CA12: variants seen among roughly 807,000 people sequenced by gnomAD.
CA12 encodes carbonate dehydratase XII.
In CA12, 36 loss-of-function variants were observed where a neutral mutation model predicts 46.8. The observed-to-expected ratio is 0.77, with a 90% confidence interval of 0.59 to 1.02. CA12 has a LOEUF of 1.02. Among genes scored for constraint, CA12 ranks in the 50% least tolerant of loss-of-function variants. The probability of loss-of-function intolerance (pLI) is 0.00; values close to 1 mark genes in which losing one functional copy is unlikely to be tolerated. For missense variants in CA12, 436 were observed against 451.4 expected (o/e 0.97, Z 0.31); for synonymous variants, 202 against 187.0 (o/e 1.08, Z -0.65).
At chr15:63,376,272 C>T (rs1209751364) in intron 1 of CA12, among the ~76,000 whole-genome samples, 1 of 152,184 alleles carries the variant, frequency 6.6e-6, no homozygotes, top group Non-Finnish European at 1.5e-5. Context: ...AACTTTATTA[C>T]CTGAATAGGC....
intron 2 of CA12, among the ~76,000 whole-genome samples, chr15:63,356,527 CT>C (rs1567049716): frequency 1.1e-3 from 162 of 144,408 alleles, no homozygotes; most frequent in Admixed American, 1.0e-3. Context: ...ACCAGCAATT[CT>C]TTTTTTTTTT....
At position 63,322,376 on chromosome 15, in the gene CA12, ATTAAAT is replaced by A. The variant is rs552652921; in HGVS notation, c.*3903_*3908del. The A allele has an allele frequency of 7.5e-4, 114 of 152,148 alleles. No homozygotes were observed. The highest frequency in any genetic ancestry group is 2.4e-3 in the African/African-American group (101 of 41,426). 9.4% of individuals were successfully genotyped at this position (152,148 alleles called of 1,614,324 possible). ...TTTTAGATCTGTTGGATTATCTAAA[ATTAAAT>A]TTAAATTAATGTCACTGGTTTTTTT... is the stretch of plus-strand genomic sequence containing the variant. On this transcript the variant is annotated 3_prime_UTR_variant, in exon 11 of 11. Transcript: ENST00000178638. The surrounding 1 kb of genome is among the most constrained non-coding windows in gnomAD (Gnocchi z 4.1).
chr15:63,321,536 G>C lies in CA12; in HGVS notation c.*4749C>G, dbSNP rs900942957. The C allele has an allele frequency of 6.6e-6, 1 of 152,218 alleles. No homozygotes were observed. Among genetic ancestry groups the C allele is most frequent in the Non-Finnish European group, 1.5e-5 (1 of 68,052 alleles). The allele number at this position is 152,218 out of a possible 1,614,324, so 9.4% of individuals were successfully genotyped here. On this transcript the variant is annotated 3_prime_UTR_variant, in exon 11 of 11. Transcript: ENST00000178638. The surrounding 1 kb of genome is among the most constrained non-coding windows in gnomAD (Gnocchi z 4.5). The stretch of plus-strand genomic sequence containing the variant: ...ACATACCTTTCCCCTCACATCCTGC[G>C]ACAGCTGAATCCGAGCCCGAGGACC...
rs1296094489 is a variant in CA12 at position 63,325,299 on chromosome 15, G to A, written c.*986C>T. The stretch of plus-strand genomic sequence containing the variant: ...TAAGTTCTACAGTCATTTTGTTTCT[G>A]CCTATTTCCTCCAGATTCAAAGGCA... On this transcript the variant is annotated 3_prime_UTR_variant, in exon 11 of 11. Transcript: ENST00000178638. This position sits in a 1 kb window ranked among gnomAD's most constrained non-coding sequence, Gnocchi z 4.9. The A allele has an allele frequency of 6.6e-6, 1 of 152,140 alleles. No homozygotes were observed. Among genetic ancestry groups the A allele is most frequent in the Non-Finnish European group, 1.5e-5 (1 of 68,032 alleles). 9.4% of individuals were successfully genotyped at this position (152,140 alleles called of 1,614,324 possible).
At chr15:63,344,163 A>G (rs1444584330) in intron 4 of CA12, among the ~76,000 whole-genome samples, 1 of 152,246 alleles carries the variant, frequency 6.6e-6, no homozygotes, top group African/African-American at 2.4e-5. Flanking sequence ...AGCTAGATGA[A>G]TGCACAAGTG....
intron 2 of CA12, among the ~76,000 whole-genome samples, chr15:63,351,107 G>A (rs2039224352): frequency 6.6e-6 from 1 of 151,948 alleles, no homozygotes; most frequent in South Asian, 2.1e-4. Context: ...TATATTTTTT[G>A]CAATATTGCA....
At chr15:63,351,763 G>A (rs898081368) in intron 2 of CA12, among the ~76,000 whole-genome samples, 3 of 152,178 alleles carry the variant, frequency 2.0e-5, no homozygotes, top group East Asian at 1.9e-4. Flanking sequence ...CAGCCTACTC[G>A]GGTTGTGCAC....
At position 63,340,727 on chromosome 15, in the gene CA12, C is replaced by A. The variant is rs777675276; in HGVS notation, c.582G>T (p.Lys194Asn). 4 of 1,614,022 alleles carry A rather than the reference C, an allele frequency of 2.5e-6. No individual in the cohort carries two copies. Among genetic ancestry groups the A allele is most frequent in the Non-Finnish European group, 3.4e-6 (4 of 1,179,846 alleles). ...DKIFSHLQHV[K>N]YKGQEAFVPG... is the part of the protein sequence containing the mutation. ...CATGCAAGGACCCCTCACCTTTGTA[C>A]TTTACATGTTGAAGGTGACTGAAGA... The change falls in exon 6 of 11, where the codon AAG (lysine) becomes AAT (asparagine). Residue 194 changes from lysine to asparagine, a missense_variant. Lys to Asn is a moderately conservative substitution (Grantham distance 94). Transcript: ENST00000178638. This position sits in a 1 kb window ranked among gnomAD's most constrained non-coding sequence, Gnocchi z 4.4.
Position 63,322,989 on chromosome 15 carries a change from T to C in CA12, c.*3296A>G, listed in dbSNP as rs1436989007. On this transcript the variant is annotated 3_prime_UTR_variant, in exon 11 of 11. Transcript: ENST00000178638. The surrounding 1 kb of genome is among the most constrained non-coding windows in gnomAD (Gnocchi z 4.1). The stretch of plus-strand genomic sequence containing the variant: ...ATGGTACCTATTTTATAACCTTTAC[T>C]GGACTGCCTCTTTTTGCCCCAGTCA... The C allele has an allele frequency of 6.6e-6, 1 of 152,240 alleles. No individual in the cohort carries two copies. The highest frequency in any genetic ancestry group is 1.5e-5 in the Non-Finnish European group (1 of 68,034). 9.4% of individuals were successfully genotyped at this position (152,240 alleles called of 1,614,324 possible).
chr15:63,353,883 T>G (rs2039264331), intron 2 of CA12, among the ~76,000 whole-genome samples: 1 of 152,178 alleles, frequency 6.6e-6, no homozygotes, highest in African/African-American at 2.4e-5. Flanking sequence ...TAAAATATAT[T>G]TATAGGTCCT....
At chr15:63,352,268 G>A (rs1221460401) in intron 2 of CA12, among the ~76,000 whole-genome samples, 2 of 152,204 alleles carry the variant, frequency 1.3e-5, no homozygotes, top group Non-Finnish European at 2.9e-5. Flanking sequence ...TGTTGGCCAG[G>A]CTGGTCTCAG....
At chr15:63,354,726 CAGAG>C (rs1299070541) in intron 2 of CA12, among the ~76,000 whole-genome samples, 1 of 152,084 alleles carries the variant, frequency 6.6e-6, no homozygotes, top group Non-Finnish European at 1.5e-5. Context: ...TGTATTAACA[CAGAG>C]AGAGATGGGA....
intron 2 of CA12, among the ~76,000 whole-genome samples, chr15:63,369,842 G>T (rs181884528): frequency 1.3e-5 from 2 of 152,250 alleles, no homozygotes; most frequent in Admixed American, 1.3e-4. Flanking sequence ...GTTCCACTAT[G>T]CCTGTCTTTA....
At chr15:63,353,710 T>A (rs146364974) in intron 2 of CA12, among the ~76,000 whole-genome samples, 2 of 151,946 alleles carry the variant, frequency 1.3e-5, no homozygotes, top group African/African-American at 4.8e-5. Context: ...GGTGTCTGCA[T>A]GTAAAAGCCA....
At chr15:63,353,451 C>T (rs1006239192) in intron 2 of CA12, among the ~76,000 whole-genome samples, 27 of 152,208 alleles carry the variant, frequency 1.8e-4, no homozygotes, top group Admixed American at 1.8e-3. Flanking sequence ...CCTCCCTTTG[C>T]CAGGTCTGGG....
chr15:63,353,543 G>T (rs1208494312), intron 2 of CA12, among the ~76,000 whole-genome samples: 8 of 152,144 alleles, frequency 5.3e-5, no homozygotes, highest in African/African-American at 1.7e-4. Flanking sequence ...AGGTCTTCCT[G>T]TTGGGAGGCT....
rs2039278724 is a variant in CA12, at chr15:63,355,116, G to A, written c.107-8407C>T. ...CCTGTGACCTTAGAGTATGTTCATC[G>A]TGGAGAGGCTCTGCCCACCTCTCTC... On this transcript the variant is annotated intron_variant, in intron 2 of 10. Coordinates refer to ENST00000178638, the MANE Select transcript of CA12 (RefSeq NM_001218.5). The surrounding 1 kb of genome is among the most constrained non-coding windows in gnomAD (Gnocchi z 4.1). Among the ~76,000 whole-genome samples the A allele has an allele frequency of 1.3e-5, 2 of 152,100 alleles. No homozygotes were observed. The highest frequency in any genetic ancestry group is 2.1e-4 in the South Asian group (1 of 4,830).
At chr15:63,375,601 A>T in intron 2 of CA12, 57 bp downstream of exon 2, 2 of 1,161,852 alleles carry the variant, frequency 1.7e-6, no homozygotes, top group Admixed American at 1.9e-5. Flanking sequence ...TTTTCTCATT[A>T]AATACAACCA....
At chr15:63,359,545 A>G (rs1025566259) in intron 2 of CA12, among the ~76,000 whole-genome samples, 3 of 152,110 alleles carry the variant, frequency 2.0e-5, no homozygotes, top group Non-Finnish European at 4.4e-5. Flanking sequence ...ACACAAATAT[A>G]TATACACATG....
Sources: allele counts gnomAD v4.1 joint callset (sites outside exome capture counted in the v4.1 genomes callset), GRCh38; gene constraint gnomAD v4.1.1; non-coding constraint Gnocchi (gnomAD v3.1); transcripts MANE v1.5; gene names NCBI Gene and HGNC (gene_info 2026-07-23, HGNC 2026-07-21).